ARHGAP10: variants seen among roughly 807,000 people sequenced by gnomAD.
ARHGAP10 encodes the protein rho GTPase-activating protein 10.
Under a neutral mutation model 108.6 loss-of-function variants are expected in ARHGAP10, and 87 were observed. The observed-to-expected ratio is 0.80, with a 90% CI of 0.67 to 0.96. The LOEUF (loss-of-function observed/expected upper bound fraction) is 0.96, where lower values mean the gene tolerates loss of function less well. Ranked by LOEUF, ARHGAP10 falls within the 40% of genes least tolerant of loss-of-function variation. The pLI, the probability that ARHGAP10 is intolerant of heterozygous loss-of-function variation, is 0.00. For synonymous variants in ARHGAP10, 347 were observed against 341.1 expected (o/e 1.02, Z -0.19); for missense variants, 939 against 954.5 (o/e 0.98, Z 0.21).
intron 9 of ARHGAP10, 151 bp downstream of exon 9, chr4:147,879,489 A>G: frequency 1.5e-6 from 1 of 658,076 alleles, no homozygotes; most frequent in South Asian, 2.7e-5. Context: ...TTTGAGTGAA[A>G]TGGGCCAGAA....
intron 1 of ARHGAP10, among the ~76,000 whole-genome samples, chr4:147,784,554 T>TATAAA (rs1491216106): frequency 2.8e-4 from 33 of 116,956 alleles, no homozygotes; most frequent in African/African-American, 1.2e-3. Flanking sequence ...TAGTATATAT[T>TATAAA]ATATATATTA....
rs1250510325 is a variant in ARHGAP10 at position 148,023,484 on chromosome 4, G to C, written c.1867+71G>C. The C allele has an allele frequency of 5.5e-6, 8 of 1,442,080 alleles. No homozygotes were observed. In the East Asian group the frequency reaches 1.9e-4, roughly 34 times the overall value. The allele number at this position is 1,442,080 out of a possible 1,614,324, so 89.3% of individuals were successfully genotyped here. ...TGGCGTATCATATGTCGTCAGGGCA[G>C]GCCACAGTTTTCTGTCATCTGTGTT... On this transcript the variant is annotated intron_variant, in intron 19 of 22. Transcript: ENST00000336498.
intron 6 of ARHGAP10, 39 bp from the exon 7 acceptor site, chr4:147,866,672 GT>G (rs777973362): frequency 8.8e-6 from 13 of 1,476,828 alleles, no homozygotes; most frequent in East Asian, 4.5e-5. Flanking sequence ...TTTCTCCTGA[GT>G]TTTTTTGTGC....
chr4:147,827,239 A>T (rs529146954), intron 3 of ARHGAP10, among the ~76,000 whole-genome samples: 8 of 151,830 alleles, frequency 5.3e-5, no homozygotes, highest in Admixed American at 4.6e-4. Context: ...ATACCTTTGA[A>T]TGCTTACTAA....
chr4:147,817,721 G>GA (rs1732314592), intron 1 of ARHGAP10, among the ~76,000 whole-genome samples: 1 of 152,182 alleles, frequency 6.6e-6, no homozygotes, highest in Non-Finnish European at 1.5e-5. Context: ...CATTTGAAGG[G>GA]TGCAGGTCAC....
intron 20 of ARHGAP10, among the ~76,000 whole-genome samples, chr4:148,051,565 CAGAAT>C (rs1729140611): frequency 6.6e-6 from 1 of 152,206 alleles, no homozygotes; most frequent in African/African-American, 2.4e-5. Flanking sequence ...GGCATGGTCT[CAGAAT>C]AGCTCACTCT....
intron 15 of ARHGAP10, among the ~76,000 whole-genome samples, chr4:147,950,185 A>T (rs530277855): frequency 6.6e-6 from 1 of 152,222 alleles, no homozygotes; most frequent in African/African-American, 2.4e-5. Context: ...GAGATTTGAA[A>T]GTTGGGTTGC....
chr4:147,948,919 T>C (rs1578723226), intron 15 of ARHGAP10, among the ~76,000 whole-genome samples: 1 of 147,524 alleles, frequency 6.8e-6, no homozygotes, highest in Non-Finnish European at 1.5e-5. Flanking sequence ...TGAGCCAAGA[T>C]CCAGCCACTG....
intron 1 of ARHGAP10, among the ~76,000 whole-genome samples, chr4:147,732,721 TGGC>T (rs2126669546): frequency 6.6e-6 from 1 of 152,184 alleles, no homozygotes; most frequent in African/African-American, 2.4e-5. Flanking sequence ...GGGCCCCGCC[TGGC>T]CCCGGCCGAA....
At chr4:148,068,453 C>T (rs1283645048) in intron 22 of ARHGAP10, among the ~76,000 whole-genome samples, 5 of 152,088 alleles carry the variant, frequency 3.3e-5, no homozygotes, top group South Asian at 2.1e-4. Flanking sequence ...CACAGCCCAG[C>T]GATGTGGTTG....
chr4:147,766,631 T>G (rs551572315), intron 1 of ARHGAP10, among the ~76,000 whole-genome samples: 1 of 137,332 alleles, frequency 7.3e-6, no homozygotes, highest in African/African-American at 2.6e-5. Flanking sequence ...CACATATATA[T>G]ACGTATATAC....
intron 19 of ARHGAP10, among the ~76,000 whole-genome samples, chr4:148,032,991 G>A (rs1192679897): frequency 1.3e-5 from 2 of 152,066 alleles, no homozygotes; most frequent in African/African-American, 4.8e-5. Context: ...CACCCTCACC[G>A]ACACACCCAG....
chr4:147,841,889 T>A (rs1340957792), intron 3 of ARHGAP10, among the ~76,000 whole-genome samples: 2 of 152,204 alleles, frequency 1.3e-5, no homozygotes, highest in East Asian at 3.8e-4. Context: ...TTTGGAAATT[T>A]GCTTACCGAT....
intron 15 of ARHGAP10, among the ~76,000 whole-genome samples, chr4:147,948,304 C>A (rs1383015853): frequency 6.6e-6 from 1 of 152,080 alleles, no homozygotes; most frequent in African/African-American, 2.4e-5. Flanking sequence ...CTCAAAAAGT[C>A]ATTTTTAAAA....
chr4:147,771,375 A>G (rs554995415), intron 1 of ARHGAP10, among the ~76,000 whole-genome samples: 1 of 152,314 alleles, frequency 6.6e-6, no homozygotes, highest in South Asian at 2.1e-4. Flanking sequence ...GTTATCTGTA[A>G]TATTTTGATA....
intron 1 of ARHGAP10, among the ~76,000 whole-genome samples, chr4:147,806,056 T>G (rs1373607707): frequency 6.6e-6 from 1 of 152,156 alleles, no homozygotes; most frequent in East Asian, 1.9e-4. Flanking sequence ...ATCCATACTT[T>G]AAGCCTTTTG....
chr4:147,772,931 T>C (rs1051067514), intron 1 of ARHGAP10, among the ~76,000 whole-genome samples: 1 of 152,126 alleles, frequency 6.6e-6, no homozygotes, highest in Admixed American at 6.6e-5. Context: ...CTGATTAGAA[T>C]TCCAAAAGCA....
chr4:147,824,864 G>C (rs1732641697), intron 3 of ARHGAP10, among the ~76,000 whole-genome samples: 1 of 152,158 alleles, frequency 6.6e-6, no homozygotes, highest in Admixed American at 6.5e-5. Context: ...GCCAGGAGCT[G>C]TTCTAAGCTG....
At chr4:147,870,435 T>A (rs189492498) in intron 7 of ARHGAP10, among the ~76,000 whole-genome samples, 10 of 152,304 alleles carry the variant, frequency 6.6e-5, no homozygotes, top group African/African-American at 2.4e-4. Flanking sequence ...ATTTTGGTCA[T>A]CTTTTAAGTA....
Sources: gnomAD v4.1 joint callset for allele counts (sites outside exome capture counted in the v4.1 genomes callset) on GRCh38, gnomAD v4.1.1 for gene constraint, MANE v1.5 for transcripts, NCBI Gene and HGNC (gene_info 2026-07-23, HGNC 2026-07-21) for gene names.